BARD1: variants seen among roughly 807,000 people sequenced by gnomAD.
BARD1 encodes the protein BRCA1 associated RING domain 1, also known as BRCA1-associated RING domain protein 1.
In BARD1, 73 loss-of-function variants were observed where a neutral mutation model predicts 77.0. The observed-to-expected ratio is 0.95, with a 90% CI of 0.79 to 1.15. BARD1 has a LOEUF of 1.15. BARD1 is among the 50% of genes most tolerant of loss of function. The pLI, the probability that BARD1 is intolerant of heterozygous loss-of-function variation, is 0.00. For synonymous variants in BARD1, 384 were observed against 338.0 expected (o/e 1.14, Z -1.49); for missense variants, 993 against 938.8 (o/e 1.06, Z -0.75).
rs958531860 is a variant in BARD1, at chr2:214,727,904, A to G, written c.*772T>C. On this transcript the variant is annotated 3_prime_UTR_variant, in exon 11 of 11. Coordinates refer to ENST00000260947, the MANE Select transcript of BARD1 (RefSeq NM_000465.4). ...CTGGTCAGACCTTTTAAAAAATACTAACATTAAAATGTGTTAGAGAAAATG... is the reference window on the plus strand; with the variant it reads ...CTGGTCAGACCTTTTAAAAAATACTGACATTAAAATGTGTTAGAGAAAATG... The G allele has an allele frequency of 1.4e-5, 3 of 217,078 alleles. No homozygotes were observed. Among genetic ancestry groups the G allele is most frequent in the African/African-American group, 6.7e-5 (3 of 44,524 alleles). The allele number at this position is 217,078 out of a possible 1,614,324, so 13.4% of individuals were successfully genotyped here.
rs1692058640 is a variant in BARD1, at chr2:214,725,784, G to A, written c.*2892C>T. The A allele has an allele frequency of 6.9e-6, 1 of 144,148 alleles. No individual in the cohort carries two copies. The allele number at this position is 144,148 out of a possible 1,614,324, so 8.9% of individuals were successfully genotyped here. On this transcript the variant is annotated 3_prime_UTR_variant, in exon 11 of 11. Coordinates refer to ENST00000260947, the MANE Select transcript of BARD1 (RefSeq NM_000465.4). ...ATGGTGGCTTTTAGTAATTAAATAA[G>A]ACAAGCATTAGTTCCTACCATTTTA...
intron 3 of BARD1, among the ~76,000 whole-genome samples, chr2:214,789,775 G>A (rs770610342): frequency 1.3e-5 from 2 of 151,992 alleles, no homozygotes; most frequent in Admixed American, 6.6e-5. Context: ...GATGACCTTC[G>A]TGTTCCTAAA....
Position 214,767,629 on chromosome 2 carries a change from A to C in BARD1, c.1421T>G (p.Leu474Arg). 1.9e-6 allele frequency: 3 copies of C among 1,614,056 alleles called. No homozygotes were observed. Among genetic ancestry groups the C allele is most frequent in the Non-Finnish European group, 2.5e-6 (3 of 1,179,950 alleles). ...CTGGAGCAATAATTCCACTACCTTC[A>C]GGTGCCCATGATTGCAAGCTTCATG... ...PLHEACNHGH[L>R]KVVELLLQHK... The change falls in exon 6 of 11, where the codon CTG becomes CGG. Residue 474 changes from leucine to arginine, a missense_variant. By Grantham distance (102) the Leu-to-Arg change is moderately radical (BLOSUM62 -2). Transcript: ENST00000260947.
chr2:214,794,588 T>C (rs371299234), intron 2 of BARD1, among the ~76,000 whole-genome samples: 5 of 124,078 alleles, frequency 4.0e-5, no homozygotes, highest in South Asian at 2.6e-4. Context: ...TAAATTAATT[T>C]TTTTAAAAAG....
intron 6 of BARD1, among the ~76,000 whole-genome samples, chr2:214,765,947 T>A (rs78749884): frequency 0.052 from 7,953 of 152,268 alleles, 230 homozygotes; most frequent in Admixed American, 0.084. Flanking sequence ...AATAAAAAAT[T>A]ACGACCTAGA....
At chr2:214,796,386 T>G (rs1237335225) in intron 2 of BARD1, among the ~76,000 whole-genome samples, 1 of 152,168 alleles carries the variant, frequency 6.6e-6, no homozygotes, top group Non-Finnish European at 1.5e-5. Context: ...ATGAGAACAT[T>G]AGGGTGAGCC....
At chr2:214,729,204 T>C (rs976026657) in intron 10 of BARD1, among the ~76,000 whole-genome samples, 196 bp from the exon 11 acceptor site, 1 of 152,228 alleles carries the variant, frequency 6.6e-6, no homozygotes, top group African/African-American at 2.4e-5. Context: ...AGGATGAGGC[T>C]CAAGCCTAAA....
intron 3 of BARD1, among the ~76,000 whole-genome samples, chr2:214,787,679 G>A (rs1225232871): frequency 6.6e-6 from 1 of 151,900 alleles, no homozygotes; most frequent in East Asian, 1.9e-4. Context: ...GAATTTCAGA[G>A]TACATCACAA....
chr2:214,767,540 T>A lies in BARD1; in HGVS notation c.1510A>T (p.Asn504Tyr), dbSNP rs1167955031. 1.2e-6 allele frequency: 2 copies of A among 1,613,960 alleles called. No individual in the cohort carries two copies. Among genetic ancestry groups the A allele is most frequent in the Non-Finnish European group, 1.7e-6 (2 of 1,179,954 alleles). ...NDSPLHDAAK[N>Y]GHVDIVKLLL... is the part of the protein sequence containing the mutation. Reference sequence around the variant, plus strand: ...AGCTTGACTATATCCACATGCCCATTCTTGGCTGCATCGTGAAGTGGTGAG... The same window carrying A: ...AGCTTGACTATATCCACATGCCCATACTTGGCTGCATCGTGAAGTGGTGAG... Residue 504 changes from asparagine (N) to tyrosine (Y), a missense_variant, in exon 6 of 11, where the codon AAT becomes TAT. Asn to Tyr is a moderately radical substitution (Grantham distance 143, BLOSUM62 -2). Transcript: ENST00000260947.
At position 214,769,423 on chromosome 2, in the gene BARD1, C is replaced by A; in HGVS notation, c.1315-111G>T. On this transcript the variant is annotated intron_variant, in intron 4 of 10. Transcript: ENST00000260947. ...TATAAAGTAAAACTTAAATCGTTTTCTCTTAAGGCTACTGTTCATGAGTTA... is the reference window on the plus strand; with the variant it reads ...TATAAAGTAAAACTTAAATCGTTTTATCTTAAGGCTACTGTTCATGAGTTA... The A allele has an allele frequency of 3.5e-6, 3 of 854,848 alleles. No homozygotes were observed. In the South Asian group the frequency reaches 4.3e-5, roughly 12 times the overall value. The allele number at this position is 854,848 out of a possible 1,614,324, so 53.0% of individuals were successfully genotyped here.
At chr2:214,805,379 C>G (rs182766767) in intron 1 of BARD1, among the ~76,000 whole-genome samples, 1 of 152,168 alleles carries the variant, frequency 6.6e-6, no homozygotes, top group Non-Finnish European at 1.5e-5. Flanking sequence ...TCAGTGATTT[C>G]TCGTTATTCT....
intron 9 of BARD1, chr2:214,731,075 G>C (rs187440474): frequency 1.1e-4 from 31 of 292,464 alleles, no homozygotes; most frequent in Non-Finnish European, 1.3e-4. Context: ...GGATAGGTTT[G>C]GCATGTGACA....
chr2:214,766,205 C>G (rs1354419260), intron 6 of BARD1, among the ~76,000 whole-genome samples: 1 of 152,128 alleles, frequency 6.6e-6, no homozygotes, highest in African/African-American at 2.4e-5. Flanking sequence ...ATTTTAAAAT[C>G]CAGCTGCTGG....
intron 9 of BARD1, 73 bp from the exon 10 acceptor site, chr2:214,730,581 A>C (rs2105991104): frequency 1.6e-6 from 2 of 1,247,598 alleles, no homozygotes; most frequent in Middle Eastern, 1.9e-4. Flanking sequence ...AAAATCAAGC[A>C]ATTTACCTAA....
intron 6 of BARD1, among the ~76,000 whole-genome samples, chr2:214,760,209 T>C (rs890110969): frequency 1.3e-5 from 2 of 152,214 alleles, no homozygotes; most frequent in Non-Finnish European, 2.9e-5. Context: ...TTATTATTAT[T>C]TGAGACCGAG....
intron 4 of BARD1, among the ~76,000 whole-genome samples, chr2:214,774,755 T>A (rs964986249): frequency 6.6e-6 from 1 of 152,260 alleles, no homozygotes; most frequent in Non-Finnish European, 1.5e-5. Context: ...AAAGGCTGTT[T>A]CAACTTCACT....
chr2:214,753,731 T>C (rs1006444240), intron 6 of BARD1, among the ~76,000 whole-genome samples: 1 of 152,092 alleles, frequency 6.6e-6, no homozygotes, highest in African/African-American at 2.4e-5. Context: ...GTGAAAACTG[T>C]TTTGATGGCA....
chr2:214,778,657 G>A (rs78833695), intron 4 of BARD1, among the ~76,000 whole-genome samples: 7,983 of 152,116 alleles, frequency 0.052, 230 homozygotes, highest in Admixed American at 0.083. Flanking sequence ...AATTTTGTAC[G>A]TAAGTTTTAT....
intron 6 of BARD1, among the ~76,000 whole-genome samples, chr2:214,754,338 CA>C (rs752135719): frequency 6.8e-6 from 1 of 146,004 alleles, no homozygotes; most frequent in Non-Finnish European, 1.5e-5. Context: ...ACTGTTTCAA[CA>C]AAAAAAGAAA....
Sources: gnomAD v4.1 joint callset for allele counts (sites outside exome capture counted in the v4.1 genomes callset) on GRCh38, gnomAD v4.1.1 for gene constraint, MANE v1.5 for transcripts, NCBI Gene and HGNC (gene_info 2026-07-23, HGNC 2026-07-21) for gene names.